KIAA1549L: variants seen among roughly 807,000 people sequenced by gnomAD.
KIAA1549L encodes the protein UPF0606 protein KIAA1549L.
A neutral mutation model predicts 160.7 loss-of-function variants in KIAA1549L; 88 were observed. The observed-to-expected ratio is 0.55, with a 90% CI of 0.46 to 0.65. KIAA1549L has a LOEUF of 0.65. KIAA1549L is among the 30% of genes least tolerant of loss of function. KIAA1549L has a pLI of 0.00. For missense variants in KIAA1549L, 2,258 were observed against 2,437.5 expected (o/e 0.93, Z 1.55); for synonymous variants, 950 against 976.7 (o/e 0.97, Z 0.51).
intron 12 of KIAA1549L, among the ~76,000 whole-genome samples, chr11:33,597,156 T>C (rs954096940): frequency 5.9e-5 from 9 of 152,206 alleles, no homozygotes; most frequent in African/African-American, 2.2e-4. Flanking sequence ...GAGCCTTTGA[T>C]ATGCTAAGGT....
chr11:33,401,485 C>A (rs1419434703), intron 1 of KIAA1549L, among the ~76,000 whole-genome samples: 1 of 151,860 alleles, frequency 6.6e-6, no homozygotes, highest in African/African-American at 2.4e-5. Flanking sequence ...CCTCCAGACA[C>A]CCAGTCCACC....
chr11:33,614,587 T>TA (rs1190029342), intron 15 of KIAA1549L, among the ~76,000 whole-genome samples: 3 of 33,436 alleles, frequency 9.0e-5, no homozygotes, highest in East Asian at 1.5e-3. Flanking sequence ...TATATATATT[T>TA]TTTTTTTTTT....
chr11:33,387,337 A>G (rs1336132975), intron 1 of KIAA1549L, among the ~76,000 whole-genome samples: 1 of 151,330 alleles, frequency 6.6e-6, no homozygotes, highest in Non-Finnish European at 1.5e-5. Context: ...ATGGAGTCTG[A>G]TTCTGTTGTC....
intron 1 of KIAA1549L, among the ~76,000 whole-genome samples, chr11:33,474,305 C>T (rs2133033892): frequency 6.6e-6 from 1 of 152,362 alleles, no homozygotes; most frequent in Middle Eastern, 3.4e-3. Flanking sequence ...ATTGGACTTA[C>T]TTTGCCCCAC....
intron 11 of KIAA1549L, among the ~76,000 whole-genome samples, chr11:33,587,082 G>C (rs943278304): frequency 1.3e-5 from 2 of 152,138 alleles, no homozygotes; most frequent in African/African-American, 4.8e-5. Context: ...AACAATAATC[G>C]TATAGAGTGT....
At chr11:33,538,096 C>A (rs1853933049) in intron 1 of KIAA1549L, among the ~76,000 whole-genome samples, 1 of 152,188 alleles carries the variant, frequency 6.6e-6, no homozygotes, top group Non-Finnish European at 1.5e-5. Flanking sequence ...GAAGGGGAAG[C>A]AAGGCACCTT....
intron 1 of KIAA1549L, among the ~76,000 whole-genome samples, chr11:33,437,026 A>G (rs1851394848): frequency 6.6e-6 from 1 of 152,170 alleles, no homozygotes; most frequent in African/African-American, 2.4e-5. Context: ...CACCTGAATT[A>G]TTTACTTAAG....
At chr11:33,455,135 C>A (rs116487632) in intron 1 of KIAA1549L, among the ~76,000 whole-genome samples, 5 of 152,074 alleles carry the variant, frequency 3.3e-5, no homozygotes, top group Non-Finnish European at 1.5e-5. Flanking sequence ...ACAAAAAAAC[C>A]GTTTAGCAAA....
At position 33,544,059 on chromosome 11, in the gene KIAA1549L, TC is replaced by T. The variant is rs761259002; in HGVS notation, c.2497del (p.Gln833SerfsTer14). 6.2e-6 allele frequency: 10 copies of T among 1,613,982 alleles called. No individual in the cohort carries two copies. The South Asian group carries it at 9.9e-5, about 16-fold the overall frequency. ...CAACTCGACATTCCGTGTCTCATCC[TC>T]AGCTACAGTTGCCCAACCAGCCAGC... ...PTTRHSVSHP[Q>X]LQLPNQPAHP... On this transcript the variant is annotated frameshift_variant, in exon 2 of 21. Transcript: ENST00000658780. LOFTEE classifies it high-confidence loss of function.
chr11:33,465,145 T>C (rs1314425957), intron 1 of KIAA1549L, among the ~76,000 whole-genome samples: 1 of 131,050 alleles, frequency 7.6e-6, no homozygotes, highest in African/African-American at 2.9e-5. Context: ...AACCTCCGCC[T>C]CCCAGGCTCA....
At chr11:33,436,670 A>G (rs1327667524) in intron 1 of KIAA1549L, among the ~76,000 whole-genome samples, 1 of 152,258 alleles carries the variant, frequency 6.6e-6, no homozygotes, top group Non-Finnish European at 1.5e-5. Context: ...AAATGGAGGC[A>G]TAGAATGGTT....
intron 1 of KIAA1549L, among the ~76,000 whole-genome samples, chr11:33,452,716 G>T (rs186696778): frequency 1.7e-4 from 26 of 152,318 alleles, no homozygotes; most frequent in African/African-American, 5.8e-4. Flanking sequence ...GTGATTGGCT[G>T]TTGGTGAGTT....
chr11:33,414,638 T>C (rs1414290268), intron 1 of KIAA1549L, among the ~76,000 whole-genome samples: 1 of 152,256 alleles, frequency 6.6e-6, no homozygotes, highest in Non-Finnish European at 1.5e-5. Context: ...CTTCACACCC[T>C]TGCAATGTTG....
chr11:33,539,076 A>G (rs1368446164), intron 1 of KIAA1549L, among the ~76,000 whole-genome samples: 2 of 152,360 alleles, frequency 1.3e-5, no homozygotes, highest in South Asian at 2.1e-4. Flanking sequence ...AAATTCTTCA[A>G]ATCAGTTCTT....
In KIAA1549L at chr11:33,423,020, C is replaced by T. The variant is rs775684009; in HGVS notation, c.238+46131C>T. ...AAGTGTTAGTTGAGTGATGTAAATG[C>T]GATTGATTTATCTGTGTGTGGTGCT... On this transcript the variant is annotated intron_variant, in intron 1 of 20. Coordinates refer to ENST00000658780, the MANE Select transcript of KIAA1549L (RefSeq NM_012194.3). Among the ~76,000 whole-genome samples, 86 of 152,042 alleles carry T rather than the reference C, an allele frequency of 5.7e-4. 1 individual carries two copies. Among genetic ancestry groups the T allele is most frequent in the Non-Finnish European group, 1.0e-3 (68 of 68,014 alleles).
chr11:33,628,380 T>C (rs1590413417), intron 16 of KIAA1549L, among the ~76,000 whole-genome samples: 1 of 151,718 alleles, frequency 6.6e-6, no homozygotes, highest in East Asian at 1.9e-4. Flanking sequence ...ATGTTGACAG[T>C]GGGGTGTTAA....
intron 1 of KIAA1549L, among the ~76,000 whole-genome samples, chr11:33,438,767 T>C (rs1162400065): frequency 6.6e-6 from 1 of 152,194 alleles, no homozygotes. Flanking sequence ...GGAAGACTTC[T>C]TGTGGGATGA....
intron 1 of KIAA1549L, among the ~76,000 whole-genome samples, chr11:33,528,782 G>T (rs1030138739): frequency 1.3e-5 from 2 of 152,174 alleles, no homozygotes; most frequent in Admixed American, 6.5e-5. Context: ...CTATGAGAAT[G>T]CAAAGGCAGA....
At chr11:33,641,633 T>C (rs190266432) in intron 16 of KIAA1549L, among the ~76,000 whole-genome samples, 12,912 of 99,188 alleles carry the variant, frequency 0.13, 1,685 homozygotes, top group African/African-American at 0.33. Context: ...TATATATATA[T>C]ACACAGTGGG....
Sources: allele counts gnomAD v4.1 joint callset (sites outside exome capture counted in the v4.1 genomes callset), GRCh38; gene constraint gnomAD v4.1.1; transcripts MANE v1.5; gene names NCBI Gene and HGNC (gene_info 2026-07-23, HGNC 2026-07-21).